Variants in LARP1B observed in about 807,000 individuals in gnomAD.
LARP1B encodes la-related protein 1B.
LARP1B carries 76 observed loss-of-function variants against 114.2 expected under a neutral mutation model. That is an observed-to-expected ratio of 0.67 (90% confidence interval 0.55 to 0.81). The LOEUF is 0.81. LARP1B is among the 30% of genes least tolerant of loss of function. LARP1B has a pLI of 0.00. For synonymous variants in LARP1B, 345 were observed against 348.0 expected, an observed-to-expected ratio of 0.99 and a Z score of 0.10; for missense variants, 1,014 against 1,075.8, an observed-to-expected ratio of 0.94 and a Z score of 0.80.
chr4:128,107,924 C>T (rs1240912020), intron 9 of LARP1B: 17 of 1,535,684 alleles, frequency 1.1e-5, no homozygotes, highest in Middle Eastern at 1.7e-4. Flanking sequence ...GTCATTTGAT[C>T]GGAATATGCA....
chr4:128,117,939 G>A (rs577364517), intron 10 of LARP1B, among the ~76,000 whole-genome samples: 68 of 147,310 alleles, frequency 4.6e-4, no homozygotes, highest in African/African-American at 1.7e-3. Context: ...TTTTGGCAGA[G>A]GGTTTCACTC....
chr4:128,114,247 TC>T (rs1785065359), intron 9 of LARP1B, among the ~76,000 whole-genome samples: 2 of 152,326 alleles, frequency 1.3e-5, no homozygotes, highest in Admixed American at 1.3e-4. Flanking sequence ...TAGATTTTAA[TC>T]TAAGATTTTT....
intron 15 of LARP1B, among the ~76,000 whole-genome samples, chr4:128,189,319 G>T: frequency 1.3e-5 from 1 of 76,330 alleles, no homozygotes; most frequent in East Asian, 3.3e-4. Context: ...ATACAAGTAT[G>T]GCTACTTTTT....
At chr4:128,171,369 G>A (rs1743633085) in intron 12 of LARP1B, among the ~76,000 whole-genome samples, 1 of 152,148 alleles carries the variant, frequency 6.6e-6, no homozygotes, top group African/African-American at 2.4e-5. Flanking sequence ...CTGGCCTCAA[G>A]AGATTCTCCT....
At chr4:128,135,152 A>T (rs1342946043) in intron 11 of LARP1B, among the ~76,000 whole-genome samples, 1 of 150,770 alleles carries the variant, frequency 6.6e-6, no homozygotes, top group Non-Finnish European at 1.5e-5. Context: ...TAAAAAGGAT[A>T]ACAAACATTT....
At chr4:128,107,780 T>C in intron 9 of LARP1B, 1 of 1,522,444 alleles carries the variant, frequency 6.6e-7, no homozygotes, top group Non-Finnish European at 8.8e-7. Flanking sequence ...TTTAATTTGG[T>C]TGTGTTTAGA....
At chr4:128,197,679 C>T (rs1019321489) in intron 15 of LARP1B, among the ~76,000 whole-genome samples, 3 of 151,102 alleles carry the variant, frequency 2.0e-5, no homozygotes, top group Non-Finnish European at 4.4e-5. Flanking sequence ...GGCAACAGAG[C>T]GACACTCTGT....
intron 9 of LARP1B, chr4:128,108,890 A>T (rs1580497298): frequency 1.1e-6 from 1 of 944,990 alleles, no homozygotes; most frequent in East Asian, 1.2e-4. Flanking sequence ...TAAAATTATA[A>T]GAATAAAATC....
chr4:128,167,376 A>T (rs1375610117), intron 12 of LARP1B, among the ~76,000 whole-genome samples: 1 of 151,852 alleles, frequency 6.6e-6, no homozygotes, highest in Non-Finnish European at 1.5e-5. Context: ...CTTTGGAGAG[A>T]TCTCTAATCA....
At chr4:128,157,746 G>A (rs1561442866) in intron 11 of LARP1B, among the ~76,000 whole-genome samples, 1 of 152,110 alleles carries the variant, frequency 6.6e-6, no homozygotes, top group Non-Finnish European at 1.5e-5. Context: ...CGCTTAAATA[G>A]GTGAATTTAT....
At chr4:128,108,877 TA>T in intron 9 of LARP1B, 1 of 961,826 alleles carries the variant, frequency 1.0e-6, no homozygotes, top group Non-Finnish European at 1.2e-6. Flanking sequence ...TTATGCATAC[TA>T]ATAAAATTAT....
At chr4:128,077,719 C>G in intron 3 of LARP1B, 69 bp from the exon 4 acceptor site, 1 of 1,428,386 alleles carries the variant, frequency 7.0e-7, no homozygotes, top group Admixed American at 2.8e-5. Context: ...AGGTATATTG[C>G]CACAAATTTT....
intron 5 of LARP1B, among the ~76,000 whole-genome samples, chr4:128,089,870 A>G (rs1775231783): frequency 6.6e-6 from 1 of 151,464 alleles, no homozygotes; most frequent in Admixed American, 6.6e-5. Flanking sequence ...TCCCAGGTTC[A>G]AACAATTTTT....
In LARP1B at chr4:128,122,671, G is replaced by A. The variant is rs1047472650; in HGVS notation, c.1524+483G>A. The A allele has an allele frequency of 2.0e-5, 27 of 1,350,168 alleles. No individual in the cohort carries two copies. The Admixed American group carries it at 7.0e-4, about 35-fold the overall frequency. 83.6% of individuals were successfully genotyped at this position (1,350,168 alleles called of 1,614,324 possible). A position where few individuals can be genotyped will look rare whatever the true frequency, so the allele number is the denominator to read the frequency against. On this transcript the variant is annotated intron_variant, in intron 11 of 19. Transcript: ENST00000326639. Reference sequence around the variant, plus strand: ...TCTATGGTGCATGATCTAAGGTAGTGGAAATGGTTGTGGACAAACTATAAA... The same window carrying A: ...TCTATGGTGCATGATCTAAGGTAGTAGAAATGGTTGTGGACAAACTATAAA...
intron 7 of LARP1B, among the ~76,000 whole-genome samples, chr4:128,093,361 C>T (rs1424760429): frequency 6.6e-6 from 1 of 152,144 alleles, no homozygotes; most frequent in African/African-American, 2.4e-5. Flanking sequence ...CTTTGGGAGG[C>T]CGAGGCGGGC....
chr4:128,206,368 G>A (rs1384620521), intron 17 of LARP1B, 60 bp from the exon 18 acceptor site: 2 of 913,434 alleles, frequency 2.2e-6, no homozygotes, highest in African/African-American at 3.5e-5. Flanking sequence ...TGCTTATATT[G>A]ATGTTACTAA....
intron 9 of LARP1B, among the ~76,000 whole-genome samples, chr4:128,110,325 A>C (rs1783609721): frequency 3.9e-5 from 6 of 152,020 alleles, no homozygotes; most frequent in Admixed American, 3.9e-4. Flanking sequence ...CAGGTAATCT[A>C]AGTCATTTAA....
chr4:128,089,296 A>G (rs2149548728), intron 5 of LARP1B, among the ~76,000 whole-genome samples: 1 of 152,306 alleles, frequency 6.6e-6, no homozygotes, highest in South Asian at 2.1e-4. Flanking sequence ...TGATTTTCAA[A>G]GTAGATATAC....
intron 1 of LARP1B, among the ~76,000 whole-genome samples, chr4:128,073,972 C>T (rs1463570964): frequency 6.6e-6 from 1 of 150,670 alleles, no homozygotes; most frequent in East Asian, 2.0e-4. Flanking sequence ...TGGAGTTTTG[C>T]TCTTGTTGCC....
Sources: gnomAD v4.1 joint callset for allele counts (sites outside exome capture counted in the v4.1 genomes callset) on GRCh38, gnomAD v4.1.1 for gene constraint, MANE v1.5 for transcripts, NCBI Gene and HGNC (gene_info 2026-07-23, HGNC 2026-07-21) for gene names.